ZNF684: variants seen among roughly 807,000 people sequenced by gnomAD.
ZNF684 encodes hypothetical protein MGC27466.
A neutral mutation model predicts 12.8 loss-of-function variants in ZNF684; 13 were observed. The observed-to-expected ratio is 1.02, with a 90% CI of 0.66 to 1.62. ZNF684 has a LOEUF of 1.62. Among genes scored for constraint, ZNF684 ranks in the 40% most tolerant of loss-of-function variants. The probability of loss-of-function intolerance (pLI) is 0.00; values close to 1 mark genes in which losing one functional copy is unlikely to be tolerated. For synonymous variants in ZNF684, 118 were observed against 151.8 expected (o/e 0.78, Z 1.64); for missense variants, 384 against 446.9 (o/e 0.86, Z 1.27).
intron 2 of ZNF684, among the ~76,000 whole-genome samples, chr1:40,538,796 G>A (rs112950915): frequency 0.15 from 22,699 of 149,818 alleles, 1,879 homozygotes; most frequent in Middle Eastern, 0.26. Flanking sequence ...GCACTCCAGC[G>A]TGGGTGACAG....
chr1:40,543,763 C>G (rs549631649), intron 4 of ZNF684, among the ~76,000 whole-genome samples: 30 of 152,072 alleles, frequency 2.0e-4, no homozygotes, highest in Non-Finnish European at 4.0e-4. Flanking sequence ...GCTTATATAC[C>G]GTTTTCTTCT....
Position 40,547,107 on chromosome 1 carries a change from G to A in ZNF684, c.784G>A (p.Val262Met), listed in dbSNP as rs201288463. 4.3e-6 allele frequency: 7 copies of A among 1,614,168 alleles called. No homozygotes were observed. The Admixed American group carries it at 5.0e-5, about 12-fold the overall frequency. The change falls in exon 5 of 5, where the codon GTG (valine) becomes ATG (methionine). Residue 262 changes from valine to methionine, a missense_variant. Coordinates refer to ENST00000372699, the MANE Select transcript of ZNF684 (RefSeq NM_152373.4). The stretch of plus-strand genomic sequence containing the variant: ...TTGGAACTCCTCATTTAATCAACAC[G>A]TGAAATCTCATACACTTGAGAAGTC... The part of the protein sequence containing the change: ...FTWNSSFNQH[V>M]KSHTLEKSFE...
At chr1:40,533,758 A>G (rs1170911205) in intron 2 of ZNF684, among the ~76,000 whole-genome samples, 3 of 151,848 alleles carry the variant, frequency 2.0e-5, no homozygotes, top group Non-Finnish European at 4.4e-5. Context: ...ACTCTTCTAC[A>G]TGAATTTTAA....
intron 4 of ZNF684, among the ~76,000 whole-genome samples, chr1:40,543,647 G>A (rs1484200540): frequency 6.6e-6 from 1 of 151,978 alleles, no homozygotes; most frequent in African/African-American, 2.4e-5. Context: ...TAGTAGAGAC[G>A]GGGTTTCACC....
intron 4 of ZNF684, among the ~76,000 whole-genome samples, chr1:40,544,037 A>C (rs1646030735): frequency 6.6e-6 from 1 of 150,704 alleles, no homozygotes; most frequent in Non-Finnish European, 1.5e-5. Flanking sequence ...GACCTGTTTT[A>C]TGCAGAGCAC....
chr1:40,546,747 C>T lies in ZNF684; in HGVS notation c.424C>T (p.Pro142Ser). 4 of 1,613,800 alleles carry T rather than the reference C, an allele frequency of 2.5e-6. No homozygotes were observed. The highest frequency in any genetic ancestry group is 3.4e-6 in the Non-Finnish European group (4 of 1,179,932). ...TAAATCGTTTGAGAAGTGTTTGCCA[C>T]CTAATTTAGACTTACTTAAATATAA... ...SYKSFEKCLP[P>S]NLDLLKYNRS... Residue 142 changes from proline to serine, a missense_variant, in exon 5 of 5, where the codon CCT (proline) becomes TCT (serine). By Grantham distance (74) the Pro-to-Ser change is moderately conservative. Coordinates refer to ENST00000372699, the MANE Select transcript of ZNF684 (RefSeq NM_152373.4).
At chr1:40,541,425 C>T (rs1056469255) in intron 3 of ZNF684, 190 bp from the exon 4 acceptor site, 9 of 429,814 alleles carry the variant, frequency 2.1e-5, no homozygotes, top group African/African-American at 6.1e-5. Flanking sequence ...CCTCATGATC[C>T]GCCCGCCTCA....
In ZNF684 at chr1:40,536,513, CTT is replaced by C. The variant is rs199567978; in HGVS notation, c.15+3346_15+3347del. 1.3e-3 allele frequency among the ~76,000 whole-genome samples: 179 copies of C among 140,948 alleles called. 1 individual carries two copies. The highest frequency in any genetic ancestry group is 3.5e-3 in the African/African-American group (135 of 38,852). 92.5% of individuals were successfully genotyped at this position (140,948 alleles called of 152,430 possible). A position where few individuals can be genotyped will look rare whatever the true frequency, so the allele number is the denominator to read the frequency against. On this transcript the variant is annotated intron_variant, in intron 2 of 4. Coordinates refer to ENST00000372699, the MANE Select transcript of ZNF684 (RefSeq NM_152373.4). ...GTAAACCTTACAGTCTCAGTAACAT[CTT>C]TTTTTTTTTTTTTATACTTTAAGTT...
chr1:40,539,280 C>T (rs551517716), intron 2 of ZNF684, among the ~76,000 whole-genome samples: 9 of 152,230 alleles, frequency 5.9e-5, no homozygotes, highest in Admixed American at 5.9e-4. Context: ...CCACCTGCCT[C>T]GGCCTCCCAA....
chr1:40,540,454 C>T (rs1463770596), intron 2 of ZNF684, 132 bp from the exon 3 acceptor site: 2 of 944,580 alleles, frequency 2.1e-6, no homozygotes, highest in Non-Finnish European at 3.0e-6. Context: ...CCGAATCAAG[C>T]ATGTAATCAT....
In ZNF684 at chr1:40,540,806, G is replaced by A. The variant is rs943098523; in HGVS notation, c.142+94G>A. 1.3e-4 allele frequency: 161 copies of A among 1,258,862 alleles called. 1 individual carries two copies. The highest frequency in any genetic ancestry group is 2.2e-4 in the Middle Eastern group (1 of 4,482). 78.0% of individuals were successfully genotyped at this position (1,258,862 alleles called of 1,614,324 possible). On this transcript the variant is annotated intron_variant, in intron 3 of 4. Transcript: ENST00000372699. ...TTGGGAACGTTTGCCAATTGTGGTC[G>A]CTCATGCTTATAATCCCAGCACTTT...
intron 2 of ZNF684, among the ~76,000 whole-genome samples, chr1:40,536,871 C>G (rs1490304106): frequency 2.0e-5 from 3 of 149,862 alleles, no homozygotes; most frequent in Non-Finnish European, 3.0e-5. Flanking sequence ...GCATAGTATT[C>G]CATGGTGTAT....
At chr1:40,542,073 T>C (rs1422637672) in intron 4 of ZNF684, among the ~76,000 whole-genome samples, 1 of 152,202 alleles carries the variant, frequency 6.6e-6, no homozygotes, top group African/African-American at 2.4e-5. Context: ...TGAAGTTAAA[T>C]TATCTGAATT....
Position 40,540,600 on chromosome 1 carries a change from C to T in ZNF684, c.30C>T (p.Phe10=). 6.2e-7 allele frequency: 1 copy of T among 1,602,846 alleles called. No homozygotes were observed. The change falls in exon 3 of 5, where the codon TTC becomes TTT. Residue 10 remains phenylalanine (F), a synonymous_variant. Coordinates refer to ENST00000372699, the MANE Select transcript of ZNF684 (RefSeq NM_152373.4). MISFQESVT[F]QDVAVDFTAE... ...TGCTGTTACAGGAATCAGTGACATT[C>T]CAGGATGTGGCTGTGGATTTCACTG...
chr1:40,546,645 A>T lies in ZNF684; in HGVS notation c.322A>T (p.Asn108Tyr), dbSNP rs767434977. ...NFLKSVLLTF[N>Y]KILTMERIHH... ...TTTGAAGTCAGTTTTGCTCACATTC[A>T]ATAAAATTCTGACTATGGAGAGAAT... Residue 108 changes from asparagine to tyrosine, a missense_variant, in exon 5 of 5, where the codon AAT (asparagine) becomes TAT (tyrosine). Physicochemically the swap from Asn to Tyr is moderately radical, Grantham distance 143. Transcript: ENST00000372699. 1 of 1,601,576 alleles carries T rather than the reference A, an allele frequency of 6.2e-7. No homozygotes were observed. The highest frequency in any genetic ancestry group is 8.5e-7 in the Non-Finnish European group (1 of 1,176,304).
intron 4 of ZNF684, among the ~76,000 whole-genome samples, chr1:40,543,663 A>G (rs1339468902): frequency 6.6e-6 from 1 of 152,052 alleles, no homozygotes; most frequent in Admixed American, 6.5e-5. Flanking sequence ...TCACCACGTT[A>G]GCCAGGATGG....
chr1:40,532,358 C>CTTTT lies in ZNF684; in HGVS notation c.-25+583_-25+586dup, dbSNP rs3082563. Among the ~76,000 whole-genome samples the CTTTT allele has an allele frequency of 2.7e-3, 389 of 143,760 alleles. 1 individual carries two copies. The highest frequency in any genetic ancestry group is 8.0e-3 in the African/African-American group (315 of 39,400). The allele number at this position is 143,760 out of a possible 152,430, so 94.3% of individuals were successfully genotyped here. A position where few individuals can be genotyped will look rare whatever the true frequency, so the allele number is the denominator to read the frequency against. ...ACTCAGATACATTTTCTCCAAATTT[C>CTTTT]TTTTTTTTTTTTTTTACAGTATAGC... On this transcript the variant is annotated intron_variant, in intron 1 of 4. Transcript: ENST00000372699.
In ZNF684 at chr1:40,547,372, C is replaced by T. The variant is rs1646055177; in HGVS notation, c.1049C>T (p.Thr350Ile). 10 of 1,614,018 alleles carry T rather than the reference C, an allele frequency of 6.2e-6. No individual in the cohort carries two copies. The highest frequency in any genetic ancestry group is 7.6e-6 in the Non-Finnish European group (9 of 1,180,030). The change falls in exon 5 of 5, where the codon ACA becomes ATA. Residue 350 changes from threonine (T) to isoleucine (I), a missense_variant. Thr to Ile is a moderately conservative substitution (Grantham distance 89). Transcript: ENST00000372699. Reference protein sequence around the residue: ...SHLLRHQITHTGEKPYECNRC... With the variant: ...SHLLRHQITHIGEKPYECNRC... ...CTCCTCAGACATCAGATAACTCATA[C>T]AGGAGAGAAGCCCTATGAATGTAAC...
At chr1:40,532,996 T>G (rs1645965735) in intron 1 of ZNF684, 147 bp from the exon 2 acceptor site, 1 of 599,630 alleles carries the variant, frequency 1.7e-6, no homozygotes, top group Non-Finnish European at 3.0e-6. Context: ...TTTTCTGTCT[T>G]GCTAGAAATG....
Sources: gnomAD v4.1 joint callset for allele counts (sites outside exome capture counted in the v4.1 genomes callset) on GRCh38, gnomAD v4.1.1 for gene constraint, MANE v1.5 for transcripts, NCBI Gene and HGNC (gene_info 2026-07-23, HGNC 2026-07-21) for gene names.